Variants in TRIM44 observed in about 807,000 individuals in gnomAD.
TRIM44 encodes the protein tripartite motif containing 44.
A neutral mutation model predicts 37.4 loss-of-function variants in TRIM44; 13 were observed. The observed-to-expected ratio is 0.35, with a 90% CI of 0.23 to 0.55. The LOEUF (loss-of-function observed/expected upper bound fraction) is 0.55, where lower values mean the gene tolerates loss of function less well. Among genes scored for constraint, TRIM44 ranks in the 20% least tolerant of loss-of-function variants. The probability of loss-of-function intolerance (pLI) is 0.89; values close to 1 mark genes in which losing one functional copy is unlikely to be tolerated. For synonymous variants in TRIM44, 175 were observed against 157.2 expected, an observed-to-expected ratio of 1.11 and a Z score of -0.85; for missense variants, 426 against 437.2, an observed-to-expected ratio of 0.97 and a Z score of 0.23.
chr11:35,699,882 C>T (rs534530862), intron 2 of TRIM44, among the ~76,000 whole-genome samples: 2 of 152,176 alleles, frequency 1.3e-5, no homozygotes, highest in East Asian at 1.9e-4. Flanking sequence ...TCTAGGAATC[C>T]AACTTACAAG....
intron 4 of TRIM44, among the ~76,000 whole-genome samples, chr11:35,743,024 G>A (rs975805850): frequency 6.6e-6 from 1 of 151,844 alleles, no homozygotes; most frequent in Non-Finnish European, 1.5e-5. Context: ...GTTGGATGTA[G>A]AGTAGGTTCC....
At chr11:35,780,491 T>C (rs2147094) in intron 4 of TRIM44, among the ~76,000 whole-genome samples, 128,059 of 152,144 alleles carry the variant, frequency 0.84, 54,136 homozygotes, top group Middle Eastern at 0.86. Context: ...TCTTAGGGAT[T>C]CTACATTGCT....
chr11:35,760,160 C>T (rs187938606), intron 4 of TRIM44, among the ~76,000 whole-genome samples: 12 of 152,332 alleles, frequency 7.9e-5, no homozygotes, highest in South Asian at 2.1e-4. Context: ...GCTTCCTGGC[C>T]GCTTTGTTTA....
Position 35,663,472 on chromosome 11 carries a change from A to C in TRIM44, c.361A>C (p.Ser121Arg). The change falls in exon 1 of 5, where the codon AGC becomes CGC. Residue 121 changes from serine (S) to arginine (R), a missense_variant. Coordinates refer to ENST00000299413, the MANE Select transcript of TRIM44 (RefSeq NM_017583.6). ...SETEEESEDE[S>R]DEESEEDSEE... ...GACAGAGGAAGAGAGTGAGGATGAG[A>C]GCGATGAGGAGAGTGAAGAAGACAG... is the stretch of plus-strand genomic sequence containing the variant. The C allele has an allele frequency of 6.4e-7, 1 of 1,566,258 alleles. No individual in the cohort carries two copies. The highest frequency in any genetic ancestry group is 8.7e-7 in the Non-Finnish European group (1 of 1,154,936).
At chr11:35,798,558 C>G (rs1853324991) in intron 4 of TRIM44, among the ~76,000 whole-genome samples, 1 of 152,132 alleles carries the variant, frequency 6.6e-6, no homozygotes, top group Non-Finnish European at 1.5e-5. Context: ...AAAACAAATG[C>G]AAACATGCCT....
At chr11:35,802,893 G>A (rs1226433108) in intron 4 of TRIM44, among the ~76,000 whole-genome samples, 1 of 152,184 alleles carries the variant, frequency 6.6e-6, no homozygotes, top group Non-Finnish European at 1.5e-5. Flanking sequence ...GGTATTTGGG[G>A]ATAGGAACAC....
chr11:35,683,466 T>G (rs930262841), intron 1 of TRIM44, among the ~76,000 whole-genome samples: 2 of 152,184 alleles, frequency 1.3e-5, no homozygotes, highest in African/African-American at 4.8e-5. Context: ...TAGTGGAATC[T>G]TATTAGGTAT....
chr11:35,734,859 A>G (rs563723033), intron 3 of TRIM44, among the ~76,000 whole-genome samples: 12 of 152,348 alleles, frequency 7.9e-5, no homozygotes, highest in African/African-American at 2.9e-4. Flanking sequence ...GGAGAAGACC[A>G]AAGTCCAGAT....
intron 2 of TRIM44, among the ~76,000 whole-genome samples, chr11:35,692,755 C>T (rs868114811): frequency 5.0e-4 from 76 of 152,112 alleles, no homozygotes; most frequent in African/African-American, 1.8e-3. Flanking sequence ...AACCTCATCT[C>T]TACTAAAAAT....
intron 4 of TRIM44, among the ~76,000 whole-genome samples, chr11:35,784,023 A>G (rs564051145): frequency 4.1e-4 from 63 of 152,322 alleles, no homozygotes; most frequent in Admixed American, 1.7e-3. Flanking sequence ...GAGGGTGAAC[A>G]GTGAGACAGA....
intron 4 of TRIM44, among the ~76,000 whole-genome samples, chr11:35,785,319 G>T (rs937992603): frequency 6.6e-6 from 1 of 152,234 alleles, no homozygotes; most frequent in Non-Finnish European, 1.5e-5. Flanking sequence ...TTCCTCAGGG[G>T]TGGTGATTCA....
chr11:35,663,870 A>C (rs761378813), intron 1 of TRIM44, 90 bp downstream of exon 1: 73 of 1,441,898 alleles, frequency 5.1e-5, no homozygotes, highest in Non-Finnish European at 6.4e-5. Flanking sequence ...ATTCGCTTTC[A>C]CTGTGTCCCT....
At position 35,663,262 on chromosome 11, in the gene TRIM44, A is replaced by C; in HGVS notation, c.151A>C (p.Lys51Gln). 1 of 1,612,072 alleles carries C rather than the reference A, an allele frequency of 6.2e-7. No individual in the cohort carries two copies. Among genetic ancestry groups the C allele is most frequent in the Non-Finnish European group, 8.5e-7 (1 of 1,178,316 alleles). The change falls in exon 1 of 5, where the codon AAG becomes CAG. Residue 51 changes from lysine (K) to glutamine (Q), a missense_variant. This residue lies in a region of TRIM44 where 331 missense variants were observed against 303.0 expected (regional missense o/e 1.09). Coordinates refer to ENST00000299413, the MANE Select transcript of TRIM44 (RefSeq NM_017583.6). ...CCGCCATGCCGAGGCGCACAGGCAG[A>C]AGTTCCTCAGTCACCATCTGGCCGA... ...CRRHAEAHRQ[K>Q]FLSHHLAEYV... is the part of the protein sequence containing the mutation.
chr11:35,753,119 C>T (rs1437826493), intron 4 of TRIM44, among the ~76,000 whole-genome samples: 1 of 152,002 alleles, frequency 6.6e-6, no homozygotes, highest in Non-Finnish European at 1.5e-5. Flanking sequence ...CAGTCTGTCA[C>T]TTTGTGTAGG....
At chr11:35,760,643 C>G (rs1224347324) in intron 4 of TRIM44, among the ~76,000 whole-genome samples, 1 of 152,100 alleles carries the variant, frequency 6.6e-6, no homozygotes, top group East Asian at 1.9e-4. Flanking sequence ...GCTCCACTTC[C>G]TATGTTTTTT....
rs662905 is a variant in TRIM44 at position 35,809,883 on chromosome 11, G to A, written c.*3498G>A. 147,758 of 151,854 alleles carry A rather than the reference G, an allele frequency of 0.97. 71,964 individuals are homozygous for A. Among genetic ancestry groups the A allele is most frequent in the East Asian group, 1 (5,173 of 5,174 alleles). The allele number at this position is 151,854 out of a possible 1,614,324, so 9.4% of individuals were successfully genotyped here. A position where few individuals can be genotyped will look rare whatever the true frequency, so the allele number is the denominator to read the frequency against. ...TATGTATATACATACATACATGTCC[G>A]CACACACACACACAATATTTGAGAG... On this transcript the variant is annotated 3_prime_UTR_variant, in exon 5 of 5. Transcript: ENST00000299413.
chr11:35,804,578 G>C (rs1230042497), intron 4 of TRIM44, among the ~76,000 whole-genome samples: 1 of 152,182 alleles, frequency 6.6e-6, no homozygotes, highest in East Asian at 1.9e-4. Context: ...AGAACAATGA[G>C]AGCTTGCTTT....
At chr11:35,758,623 T>C (rs1331661515) in intron 4 of TRIM44, among the ~76,000 whole-genome samples, 1 of 152,234 alleles carries the variant, frequency 6.6e-6, no homozygotes, top group African/African-American at 2.4e-5. Flanking sequence ...GGCATGTTTT[T>C]GCAGTGGCTG....
intron 3 of TRIM44, among the ~76,000 whole-genome samples, chr11:35,726,523 A>G (rs1564980540): frequency 6.6e-6 from 1 of 152,148 alleles, no homozygotes. Flanking sequence ...AGAACAAATC[A>G]TGAAGTAGAG....
Sources: gnomAD v4.1 joint callset for allele counts (sites outside exome capture counted in the v4.1 genomes callset) on GRCh38, gnomAD v4.1.1 for gene constraint, gnomAD v4.1.1 regional missense constraint, MANE v1.5 for transcripts, NCBI Gene and HGNC (gene_info 2026-07-23, HGNC 2026-07-21) for gene names.